The following FDPS variants were observed in gnomAD, a reference collection of about 807,000 sequenced individuals.
FDPS encodes the protein farnesyl pyrophosphate synthase.
In FDPS, 29 loss-of-function variants were observed where a neutral mutation model predicts 49.5. The observed-to-expected ratio is 0.59, with a 90% confidence interval of 0.44 to 0.80. The LOEUF (loss-of-function observed/expected upper bound fraction) is 0.80. Among genes scored for constraint, FDPS ranks in the 30% least tolerant of loss-of-function variants. FDPS has a pLI of 0.00. For missense variants in FDPS, 414 were observed against 525.6 expected (o/e 0.79, Z 2.08); for synonymous variants, 172 against 206.4 (o/e 0.83, Z 1.43).
chr1:155,319,353 A>G (rs1649949410), intron 8 of FDPS, among the ~76,000 whole-genome samples: 1 of 152,220 alleles, frequency 6.6e-6, no homozygotes, highest in Non-Finnish European at 1.5e-5. Flanking sequence ...TTGGGGACTG[A>G]CATTTGTGAG....
At chr1:155,317,214 G>A (rs1649550208) in intron 4 of FDPS, 1 of 152,258 alleles carries the variant, frequency 6.6e-6, no homozygotes, top group African/African-American at 2.4e-5. Flanking sequence ...TGGGGGCAAT[G>A]TGGGAATAGC....
chr1:155,317,189 GTTC>G (rs1649544874), intron 4 of FDPS: 1 of 152,206 alleles, frequency 6.6e-6, no homozygotes, highest in East Asian at 1.9e-4. Context: ...TCACCAGGGT[GTTC>G]AAACACAGTG....
At position 155,318,960 on chromosome 1, in the gene FDPS, G is replaced by A; in HGVS notation, c.846+32G>A. The stretch of plus-strand genomic sequence containing the variant: ...GAGCCTCCTCACCCCTCTCTGCTCT[G>A]CTGATGGGGGCTTTTGGACAGCAAG... On this transcript the variant is annotated intron_variant, in intron 8 of 10. Transcript: ENST00000368356. The surrounding 1 kb of genome is among the most constrained non-coding windows in gnomAD (Gnocchi z 4.2). 1 of 1,519,594 alleles carries A rather than the reference G, an allele frequency of 6.6e-7. No individual in the cohort carries two copies. The highest frequency in any genetic ancestry group is 9.1e-7 in the Non-Finnish European group (1 of 1,095,474). 94.1% of individuals were successfully genotyped at this position (1,519,594 alleles called of 1,614,324 possible). A position where few individuals can be genotyped will look rare whatever the true frequency, so the allele number is the denominator to read the frequency against.
At chr1:155,314,633 C>T (rs556811849) in intron 4 of FDPS, among the ~76,000 whole-genome samples, 32 of 151,948 alleles carry the variant, frequency 2.1e-4, no homozygotes, top group Non-Finnish European at 4.0e-4. Flanking sequence ...TACCACCACG[C>T]CCGGCTTTTT....
intron 4 of FDPS, chr1:155,316,900 A>C (rs915130515): frequency 2.6e-4 from 40 of 152,202 alleles, no homozygotes; most frequent in African/African-American, 8.4e-4. Context: ...TTGTCAGACA[A>C]GTGTTTAGGA....
Position 155,318,048 on chromosome 1 carries a change from G to C in FDPS, c.561+27G>C. On this transcript the variant is annotated intron_variant, in intron 5 of 10. Coordinates refer to ENST00000368356, the MANE Select transcript of FDPS (RefSeq NM_002004.4). This position sits in a 1 kb window ranked among gnomAD's most constrained non-coding sequence, Gnocchi z 4.2. ...TAATGTGGGCAGGAAAATAGCAGTG[G>C]GTATGGGGACAGGCCACAGGGAGGT... 6.2e-7 allele frequency: 1 copy of C among 1,613,124 alleles called. No individual in the cohort carries two copies. Among genetic ancestry groups the C allele is most frequent in the Non-Finnish European group, 8.5e-7 (1 of 1,179,082 alleles).
chr1:155,312,569 C>T (rs1648911359), intron 4 of FDPS, 174 bp downstream of exon 4: 4 of 654,526 alleles, frequency 6.1e-6, no homozygotes, highest in Non-Finnish European at 1.0e-5. Flanking sequence ...ATGTGGGGAG[C>T]CTCTTTTGGC....
rs80143216 is a variant in FDPS, at chr1:155,319,634, G to T, written c.870G>T (p.Glu290Asp). The T allele has an allele frequency of 6.2e-7, 1 of 1,614,210 alleles. No individual in the cohort carries two copies. Among genetic ancestry groups the T allele is most frequent in the East Asian group, 2.2e-5 (1 of 44,890 alleles). ...MYMAGIDGEK[E>D]HANAKKILLE... ...AGGCAGGAATTGATGGCGAGAAGGA[G>T]CACGCCAATGCCAAGAAGATCCTGC... The change falls in exon 9 of 11, where the codon GAG becomes GAT. Residue 290 changes from glutamate (E) to aspartate (D), a missense_variant. By Grantham distance (45) the Glu-to-Asp change is conservative. Transcript: ENST00000368356.
At chr1:155,317,778 A>G in intron 4 of FDPS, 163 bp from the exon 5 acceptor site, 1 of 591,074 alleles carries the variant, frequency 1.7e-6, no homozygotes, top group East Asian at 2.9e-5. Flanking sequence ...TGGGAGTTAG[A>G]GGCTACAGTG....
At position 155,312,275 on chromosome 1, in the gene FDPS, T is replaced by C. The variant is rs1648878290; in HGVS notation, c.360T>C (p.Ile120=). The stretch of plus-strand genomic sequence containing the variant: ...TCCAGGTCCTGGAGTACAATGCCAT[T>C]GGAGGCAAGTATAACCGGGGTTTGA... ...RLKEVLEYNA[I]GGKYNRGLTV... The change falls in exon 4 of 11, where the codon ATT becomes ATC. Residue 120 remains isoleucine, a synonymous_variant. Transcript: ENST00000368356. 2 of 1,613,946 alleles carry C rather than the reference T, an allele frequency of 1.2e-6. No individual in the cohort carries two copies. Among genetic ancestry groups the C allele is most frequent in the Non-Finnish European group, 1.7e-6 (2 of 1,180,018 alleles).
chr1:155,318,322 G>A lies in FDPS; in HGVS notation c.684+31G>A, dbSNP rs1301476270. 1.9e-6 allele frequency: 3 copies of A among 1,605,326 alleles called. No individual in the cohort carries two copies. Among genetic ancestry groups the A allele is most frequent in the African/African-American group, 2.7e-5 (2 of 74,906 alleles). ...TTGCAGACAGGGCCCGATGCCCAGA[G>A]GGTGCCCATGGTAGCCTTGGCCTCT... On this transcript the variant is annotated intron_variant, in intron 6 of 10. Transcript: ENST00000368356. This position sits in a 1 kb window ranked among gnomAD's most constrained non-coding sequence, Gnocchi z 4.2.
At chr1:155,310,313 C>CA in intron 3 of FDPS, 108 bp downstream of exon 3, 1 of 698,822 alleles carries the variant, frequency 1.4e-6, no homozygotes, top group Non-Finnish European at 2.2e-6. Flanking sequence ...TGAGAGAAAG[C>CA]TTTTTTTTTT....
chr1:155,320,116 G>A, intron 10 of FDPS, 188 bp downstream of exon 10: 1 of 707,492 alleles, frequency 1.4e-6, no homozygotes, highest in Non-Finnish European at 2.4e-6. Flanking sequence ...CAAAGATGTT[G>A]CCAAACATGT....
chr1:155,312,465 T>G, intron 4 of FDPS, 70 bp downstream of exon 4: 1 of 1,481,376 alleles, frequency 6.8e-7, no homozygotes, highest in Non-Finnish European at 9.4e-7. Flanking sequence ...AGGGGAGGGA[T>G]GGGCCTGAAA....
In FDPS at chr1:155,310,039, T is replaced by C; in HGVS notation, c.177-4T>C. 6.2e-7 allele frequency: 1 copy of C among 1,613,164 alleles called. No individual in the cohort carries two copies. The highest frequency in any genetic ancestry group is 8.5e-7 in the Non-Finnish European group (1 of 1,179,998). On this transcript the variant is annotated splice_region_variant and splice_polypyrimidine_tract_variant and intron_variant, in intron 2 of 10. Coordinates refer to ENST00000368356, the MANE Select transcript of FDPS (RefSeq NM_002004.4). The stretch of plus-strand genomic sequence containing the variant: ...GGTTTCTGACTTGTTTTTCTTCTAC[T>C]TAGAGCCCTTTGCTCCTCCCTCAGA...
At chr1:155,315,236 A>C (rs896967806) in intron 4 of FDPS, among the ~76,000 whole-genome samples, 2 of 152,186 alleles carry the variant, frequency 1.3e-5, no homozygotes, top group Non-Finnish European at 2.9e-5. Flanking sequence ...TTAGGATGGG[A>C]TAAAGTCTTA....
At chr1:155,315,936 A>G (rs1649336142) in intron 4 of FDPS, among the ~76,000 whole-genome samples, 1 of 151,942 alleles carries the variant, frequency 6.6e-6, no homozygotes. Context: ...TCCTGTCTCA[A>G]AAGAAAATAA....
rs564462156 is a variant in FDPS, at chr1:155,320,627, C to CG, written c.*22dup. 1,006 of 1,612,770 alleles carry CG rather than the reference C, an allele frequency of 6.2e-4. 8 individuals carry two copies. In the African/African-American group the frequency reaches 0.012, roughly 19 times the overall value. ...GAAAGTGACCTAGAGATTGCAAGGGCGGGGAGAGGAGGCTCTCAATAAATA... is the reference window on the plus strand; with the variant it reads ...GAAAGTGACCTAGAGATTGCAAGGGCGGGGGAGAGGAGGCTCTCAATAAATA... On this transcript the variant is annotated 3_prime_UTR_variant, in exon 11 of 11. Transcript: ENST00000368356.
chr1:155,318,758 G>T lies in FDPS; in HGVS notation c.773+5G>T. ...TGTCAGATTCACTGAAAAGAGGTGA[G>T]GGGAGGTGAGGGACAGCGCGAACCA... On this transcript the variant is annotated splice_donor_5th_base_variant and intron_variant, in intron 7 of 10. Coordinates refer to ENST00000368356, the MANE Select transcript of FDPS (RefSeq NM_002004.4). The surrounding 1 kb of genome is among the most constrained non-coding windows in gnomAD (Gnocchi z 4.2). 1 of 1,609,296 alleles carries T rather than the reference G, an allele frequency of 6.2e-7. No homozygotes were observed. The highest frequency in any genetic ancestry group is 8.5e-7 in the Non-Finnish European group (1 of 1,175,832).
Sources: gnomAD v4.1 joint callset for allele counts (sites outside exome capture counted in the v4.1 genomes callset) on GRCh38, gnomAD v4.1.1 for gene constraint, Gnocchi (gnomAD v3.1) non-coding constraint, MANE v1.5 for transcripts, NCBI Gene and HGNC (gene_info 2026-07-23, HGNC 2026-07-21) for gene names.